The following GABRA2 variants were observed in gnomAD, a reference collection of about 807,000 sequenced individuals.
GABRA2 encodes the protein gamma-aminobutyric acid type A receptor subunit alpha2, also known as gamma-aminobutyric acid receptor subunit alpha-2.
Under a neutral mutation model 48.7 loss-of-function variants are expected in GABRA2, and 16 were observed. The observed-to-expected ratio is 0.33, with a 90% CI of 0.22 to 0.50. The LOEUF is 0.50. GABRA2 is among the 20% of genes least tolerant of loss of function. GABRA2 has a pLI of 0.98. For synonymous variants in GABRA2, 185 were observed against 184.5 expected (o/e 1.00, Z -0.02); for missense variants, 275 against 535.6 (o/e 0.51, Z 4.80).
chr4:46,350,895 A>G (rs1735009343), intron 3 of GABRA2, among the ~76,000 whole-genome samples: 1 of 151,986 alleles, frequency 6.6e-6, no homozygotes, highest in South Asian at 2.1e-4. Flanking sequence ...AAATAATCAA[A>G]AGTGCAAAGG....
rs534323650 is a variant in GABRA2, at chr4:46,292,595, T to C, written c.856+10865A>G. Reference sequence around the variant, plus strand: ...CACTAAGTAGAGATTCTGCATTTAATGTTGCAGCTCAGGGAGTTAAAAAAG... The same window carrying C: ...CACTAAGTAGAGATTCTGCATTTAACGTTGCAGCTCAGGGAGTTAAAAAAG... On this transcript the variant is annotated intron_variant, in intron 8 of 9. Transcript: ENST00000381620. Among the ~76,000 whole-genome samples the C allele has an allele frequency of 9.8e-5, 15 of 152,300 alleles. No homozygotes were observed. In the South Asian group the frequency reaches 1.0e-3, roughly 11 times the overall value.
chr4:46,377,078 C>A (rs1269943407), intron 3 of GABRA2, among the ~76,000 whole-genome samples: 3 of 152,096 alleles, frequency 2.0e-5, no homozygotes, highest in Admixed American at 1.3e-4. Context: ...GTGATCTCGG[C>A]TCGCTACAAC....
At chr4:46,258,858 G>A (rs374955386) in intron 9 of GABRA2, among the ~76,000 whole-genome samples, 9 of 151,954 alleles carry the variant, frequency 5.9e-5, no homozygotes, top group African/African-American at 1.9e-4. Flanking sequence ...GCGCTCTTCA[G>A]CTACAAGATA....
At chr4:46,269,841 G>T (rs192351417) in intron 8 of GABRA2, among the ~76,000 whole-genome samples, 1 of 151,864 alleles carries the variant, frequency 6.6e-6, no homozygotes, top group Non-Finnish European at 1.5e-5. Context: ...TGAGGAGATT[G>T]TATTATATTC....
chr4:46,309,110 C>T (rs1727190756), intron 6 of GABRA2, among the ~76,000 whole-genome samples: 1 of 151,966 alleles, frequency 6.6e-6, no homozygotes, highest in Non-Finnish European at 1.5e-5. Flanking sequence ...ATAAAAGAAG[C>T]CTTTGTAGTT....
chr4:46,286,938 T>C (rs531090821), intron 8 of GABRA2, among the ~76,000 whole-genome samples: 1 of 152,278 alleles, frequency 6.6e-6, no homozygotes, highest in Non-Finnish European at 1.5e-5. Flanking sequence ...TACACAAAAG[T>C]TTTTTCATGA....
intron 8 of GABRA2, among the ~76,000 whole-genome samples, chr4:46,269,871 CT>C (rs1207091592): frequency 3.3e-5 from 5 of 151,796 alleles, no homozygotes; most frequent in Non-Finnish European, 7.4e-5. Context: ...AGTGAAACTG[CT>C]TTGCTTTTGT....
chr4:46,293,980 A>C (rs923497132), intron 8 of GABRA2, among the ~76,000 whole-genome samples: 1 of 152,140 alleles, frequency 6.6e-6, no homozygotes. Flanking sequence ...ACAAATTAAC[A>C]CATCTCCTGG....
chr4:46,281,772 C>G (rs1474310350), intron 8 of GABRA2, among the ~76,000 whole-genome samples: 1 of 151,988 alleles, frequency 6.6e-6, no homozygotes, highest in Non-Finnish European at 1.5e-5. Context: ...AAAAGGAGAG[C>G]AAAGAAATGA....
chr4:46,252,530 C>T (rs1409398728), intron 9 of GABRA2, among the ~76,000 whole-genome samples: 3 of 151,392 alleles, frequency 2.0e-5, no homozygotes, highest in Admixed American at 6.6e-5. Flanking sequence ...ACCAGGTCTG[C>T]GCCTATTAAA....
At chr4:46,371,292 G>A (rs200508416) in intron 3 of GABRA2, among the ~76,000 whole-genome samples, 425 of 151,832 alleles carry the variant, frequency 2.8e-3, no homozygotes, top group Non-Finnish European at 4.5e-3. Context: ...CTCTCCAAAG[G>A]GTAAATTTGG....
intron 3 of GABRA2, among the ~76,000 whole-genome samples, chr4:46,380,864 G>A (rs1716665472): frequency 6.6e-6 from 1 of 152,092 alleles, no homozygotes; most frequent in African/African-American, 2.4e-5. Flanking sequence ...ATGGAAACAT[G>A]TTATCATACA....
chr4:46,291,227 T>C (rs1723565625), intron 8 of GABRA2, among the ~76,000 whole-genome samples: 1 of 152,160 alleles, frequency 6.6e-6, no homozygotes, highest in Admixed American at 6.5e-5. Flanking sequence ...TTGTTGTTGT[T>C]GGAAGGTTTT....
At chr4:46,368,506 C>CA (rs1160421494) in intron 3 of GABRA2, 1 of 154,650 alleles carries the variant, frequency 6.5e-6, no homozygotes, top group East Asian at 1.9e-4. Context: ...GCATCAGAAT[C>CA]AAGAACATTT....
At chr4:46,253,456 T>G (rs1715209108) in intron 9 of GABRA2, among the ~76,000 whole-genome samples, 1 of 151,532 alleles carries the variant, frequency 6.6e-6, no homozygotes, top group Non-Finnish European at 1.5e-5. Flanking sequence ...GCTAACACTG[T>G]GGACTCTTTA....
At chr4:46,353,759 A>G (rs1188162344) in intron 3 of GABRA2, among the ~76,000 whole-genome samples, 1 of 152,138 alleles carries the variant, frequency 6.6e-6, no homozygotes, top group Non-Finnish European at 1.5e-5. Flanking sequence ...ATATAAACTG[A>G]AAAAAAGTTG....
At chr4:46,347,582 A>C (rs557512243) in intron 3 of GABRA2, among the ~76,000 whole-genome samples, 20 of 152,102 alleles carry the variant, frequency 1.3e-4, no homozygotes, top group African/African-American at 4.8e-4. Context: ...TCCCTGATAC[A>C]AGAATCCACC....
chr4:46,332,261 C>T (rs1731493938), intron 4 of GABRA2, among the ~76,000 whole-genome samples: 1 of 152,090 alleles, frequency 6.6e-6, no homozygotes. Context: ...TGTAAGAAGT[C>T]TTTATCTGTG....
At chr4:46,304,584 AATAGTC>A (rs1381117645) in intron 7 of GABRA2, among the ~76,000 whole-genome samples, 1 of 152,052 alleles carries the variant, frequency 6.6e-6, no homozygotes, top group Non-Finnish European at 1.5e-5. Flanking sequence ...TCAAAAGTTG[AATAGTC>A]ATAAATTATC....
Sources: allele counts gnomAD v4.1 joint callset (sites outside exome capture counted in the v4.1 genomes callset), GRCh38; gene constraint gnomAD v4.1.1; transcripts MANE v1.5; gene names NCBI Gene and HGNC (gene_info 2026-07-23, HGNC 2026-07-21).